The following SCFD2 variants were observed in gnomAD, a reference collection of about 807,000 sequenced individuals.
The protein encoded by SCFD2 is sec1 family domain-containing protein 2.
A neutral mutation model predicts 58.9 loss-of-function variants in SCFD2; 54 were observed. That is an observed-to-expected ratio of 0.92 (90% confidence interval 0.74 to 1.15). The LOEUF is 1.15. Ranked by LOEUF, SCFD2 falls within the 50% of genes most tolerant of loss-of-function variation. The pLI is 0.00. For synonymous variants in SCFD2, 321 were observed against 335.9 expected (o/e 0.96, Z 0.49); for missense variants, 805 against 836.6 (o/e 0.96, Z 0.47).
chr4:53,106,984 G>A (rs146090768), intron 5 of SCFD2, among the ~76,000 whole-genome samples: 1 of 152,106 alleles, frequency 6.6e-6, no homozygotes. Flanking sequence ...GAGAAAGGTC[G>A]GGTTACCCAC....
intron 5 of SCFD2, among the ~76,000 whole-genome samples, chr4:53,045,388 C>T (rs781009406): frequency 6.6e-6 from 1 of 151,936 alleles, no homozygotes; most frequent in African/African-American, 2.4e-5. Context: ...TGTTTTATTG[C>T]CTGCTGGGTT....
chr4:53,278,777 CACT>C, intron 3 of SCFD2, among the ~76,000 whole-genome samples: 1 of 151,648 alleles, frequency 6.6e-6, no homozygotes, highest in East Asian at 1.9e-4. Context: ...ACACTCATGA[CACT>C]ACTCCTTCGT....
intron 3 of SCFD2, among the ~76,000 whole-genome samples, chr4:53,295,945 A>C (rs1222486591): frequency 6.6e-6 from 1 of 152,138 alleles, no homozygotes; most frequent in African/African-American, 2.4e-5. Context: ...ACGTTTATTG[A>C]TTTGCATATG....
intron 4 of SCFD2, among the ~76,000 whole-genome samples, chr4:53,211,666 C>T (rs187865100): frequency 1.3e-5 from 2 of 152,186 alleles, no homozygotes; most frequent in East Asian, 1.9e-4. Context: ...CTGGTGTCCG[C>T]TGCTTTGTGT....
intron 1 of SCFD2, among the ~76,000 whole-genome samples, chr4:53,360,334 G>T (rs1734515750): frequency 6.6e-6 from 1 of 152,168 alleles, no homozygotes; most frequent in South Asian, 2.1e-4. Context: ...AACTAGCCCT[G>T]ATTAAAATCT....
intron 4 of SCFD2, among the ~76,000 whole-genome samples, chr4:53,238,026 A>G (rs1577879422): frequency 1.9e-5 from 2 of 103,986 alleles, no homozygotes; most frequent in South Asian, 3.5e-4. Flanking sequence ...CCTCCCTCCA[A>G]GATGGGGTGG....
At chr4:53,307,362 T>C (rs1331347241) in intron 3 of SCFD2, among the ~76,000 whole-genome samples, 1 of 152,196 alleles carries the variant, frequency 6.6e-6, no homozygotes, top group African/African-American at 2.4e-5. Flanking sequence ...AGCGGGGGCA[T>C]GGCATAATCA....
intron 1 of SCFD2, among the ~76,000 whole-genome samples, chr4:53,355,467 A>T (rs916692345): frequency 3.3e-5 from 5 of 152,212 alleles, no homozygotes; most frequent in African/African-American, 1.2e-4. Flanking sequence ...AGGACTTTTG[A>T]CTAGGAAAGG....
intron 5 of SCFD2, among the ~76,000 whole-genome samples, chr4:53,078,308 T>C (rs533900864): frequency 6.6e-6 from 1 of 152,298 alleles, no homozygotes; most frequent in South Asian, 2.1e-4. Flanking sequence ...TTGATTTTAA[T>C]CTCTATTTGT....
At chr4:53,270,135 T>A (rs1731115571) in intron 4 of SCFD2, among the ~76,000 whole-genome samples, 1 of 152,208 alleles carries the variant, frequency 6.6e-6, no homozygotes, top group South Asian at 2.1e-4. Flanking sequence ...GTGCATATGT[T>A]TACATGTGTA....
chr4:53,252,300 C>G (rs909340682), intron 4 of SCFD2, among the ~76,000 whole-genome samples: 2 of 148,868 alleles, frequency 1.3e-5, no homozygotes, highest in African/African-American at 4.9e-5. Context: ...GTGAAAATGG[C>G]CATACTGCCC....
intron 4 of SCFD2, among the ~76,000 whole-genome samples, chr4:53,201,428 T>G (rs1728235643): frequency 2.0e-5 from 3 of 152,216 alleles, no homozygotes; most frequent in Admixed American, 6.5e-5. Flanking sequence ...CTATCATTGT[T>G]GGACATTTGG....
chr4:53,123,539 G>GGGGGGGGGC (rs1560345946), intron 5 of SCFD2, among the ~76,000 whole-genome samples: 1 of 132,692 alleles, frequency 7.5e-6, no homozygotes, highest in African/African-American at 3.0e-5. Context: ...GGGTGGGGGG[G>GGGGGGGGGC]GGGCACTGAC....
chr4:53,091,528 A>C (rs1333250088), intron 5 of SCFD2, among the ~76,000 whole-genome samples: 1 of 152,120 alleles, frequency 6.6e-6, no homozygotes, highest in Admixed American at 6.6e-5. Flanking sequence ...AATAACATAT[A>C]AAATATTAAC....
At chr4:53,329,707 C>T (rs1442817986) in intron 2 of SCFD2, among the ~76,000 whole-genome samples, 17 of 152,056 alleles carry the variant, frequency 1.1e-4, no homozygotes, top group East Asian at 3.9e-4. Context: ...TCCAAAGGAA[C>T]GCAGTTCCTC....
At chr4:53,292,331 C>T (rs1369549246) in intron 3 of SCFD2, among the ~76,000 whole-genome samples, 3 of 151,964 alleles carry the variant, frequency 2.0e-5, no homozygotes, top group Non-Finnish European at 4.4e-5. Context: ...ACAGAGTCTA[C>T]AAGGATATTA....
chr4:53,105,372 G>A (rs534957270), intron 5 of SCFD2, among the ~76,000 whole-genome samples: 36 of 151,288 alleles, frequency 2.4e-4, no homozygotes, highest in African/African-American at 8.5e-4. Flanking sequence ...CTGAAGCCAG[G>A]GAGCCAAGTG....
intron 4 of SCFD2, among the ~76,000 whole-genome samples, chr4:53,198,055 CA>C (rs1444832352): frequency 6.6e-6 from 1 of 152,012 alleles, no homozygotes; most frequent in Non-Finnish European, 1.5e-5. Context: ...CAGGAAAATG[CA>C]AAGTCCTCAC....
chr4:53,198,463 T>C (rs766894866), intron 4 of SCFD2, among the ~76,000 whole-genome samples: 2 of 152,060 alleles, frequency 1.3e-5, no homozygotes, highest in African/African-American at 4.8e-5. Context: ...AAAAAAGAGA[T>C]CCTAAGAATA....
Sources: gnomAD v4.1 joint callset for allele counts (sites outside exome capture counted in the v4.1 genomes callset) on GRCh38, gnomAD v4.1.1 for gene constraint, MANE v1.5 for transcripts, NCBI Gene and HGNC (gene_info 2026-07-23, HGNC 2026-07-21) for gene names.